Variants in VWDE observed in about 807,000 individuals in gnomAD.
VWDE encodes von Willebrand factor D and EGF domains, also known as von Willebrand factor D and EGF domain-containing protein.
Under a neutral mutation model 178.4 loss-of-function variants are expected in VWDE, and 207 were observed. The observed-to-expected ratio is 1.16, with a 90% CI of 1.04 to 1.30. VWDE has a LOEUF of 1.30. VWDE is among the 50% of genes most tolerant of loss of function. The pLI, the probability that VWDE is intolerant of heterozygous loss-of-function variation, is 0.00. For synonymous variants in VWDE, 738 were observed against 651.4 expected, an observed-to-expected ratio of 1.13 and a Z score of -2.02; for missense variants, 2,287 against 1,901.3, an observed-to-expected ratio of 1.20 and a Z score of -3.77.
intron 19 of VWDE, among the ~76,000 whole-genome samples, chr7:12,345,438 A>ACAT (rs1287022385): frequency 7.2e-5 from 11 of 152,308 alleles, no homozygotes; most frequent in African/African-American, 2.2e-4. Context: ...GGCAGCGTCC[A>ACAT]CATTGGAAGT....
At chr7:12,345,384 C>T (rs1393834338) in intron 19 of VWDE, among the ~76,000 whole-genome samples, 1 of 152,042 alleles carries the variant, frequency 6.6e-6, no homozygotes, top group Non-Finnish European at 1.5e-5. Flanking sequence ...TGAAGAGTTT[C>T]ATACTACCTC....
intron 3 of VWDE, among the ~76,000 whole-genome samples, chr7:12,386,127 T>C (rs1784087557): frequency 6.6e-6 from 1 of 152,180 alleles, no homozygotes. Flanking sequence ...ATGATGGGTT[T>C]TTCCATGAAA....
chr7:12,374,882 A>T, intron 8 of VWDE, 120 bp from the exon 9 acceptor site: 2 of 1,179,026 alleles, frequency 1.7e-6, no homozygotes, highest in Non-Finnish European at 2.4e-6. Context: ...ATAGTTATTG[A>T]AAATTGAATC....
At position 12,361,498 on chromosome 7, in the gene VWDE, A is replaced by C; in HGVS notation, c.2922T>G (p.Pro974=). The C allele has an allele frequency of 6.5e-7, 1 of 1,549,466 alleles. No homozygotes were observed. The highest frequency in any genetic ancestry group is 8.7e-7 in the Non-Finnish European group (1 of 1,146,062). Residue 974 remains proline, a synonymous_variant, in exon 14 of 29, where the codon CCT becomes CCG. Transcript: ENST00000275358. The stretch of plus-strand genomic sequence containing the variant: ...CAGTCTGTGTATAGATGGGTTCTCC[A>C]GGCATCCATTCACTGCTATTATACT... The part of the protein sequence containing the change: ...KLQYNSSEWM[P]GEPIYTQTVF...
Position 12,357,455 on chromosome 7 carries a change from T to C in VWDE, c.3335A>G (p.Asn1112Ser), listed in dbSNP as rs1432248763. 1 of 1,552,036 alleles carries C rather than the reference T, an allele frequency of 6.4e-7. No individual in the cohort carries two copies. Among genetic ancestry groups the C allele is most frequent in the Non-Finnish European group, 8.7e-7 (1 of 1,147,068 alleles). ...GAAGGCCACGAACTGATACTCAAAG[T>C]TTTCACCATAAAATGTCTGTAATTT... ...QDKLQTFYGE[N>S]FEYQFVAFDP... Residue 1112 changes from asparagine (N) to serine (S), a missense_variant, in exon 17 of 29, where the codon AAC becomes AGC. Transcript: ENST00000275358.
At chr7:12,400,201 G>A (rs1784835909) in intron 1 of VWDE, among the ~76,000 whole-genome samples, 1 of 151,984 alleles carries the variant, frequency 6.6e-6, no homozygotes, top group Admixed American at 6.6e-5. Context: ...GAAGCAGAAG[G>A]AAGGAAATTT....
At chr7:12,363,887 A>G (rs1782714318) in intron 13 of VWDE, among the ~76,000 whole-genome samples, 2 of 152,076 alleles carry the variant, frequency 1.3e-5, no homozygotes, top group Non-Finnish European at 2.9e-5. Context: ...AAAACAGATA[A>G]CCACTCTAAA....
intron 4 of VWDE, among the ~76,000 whole-genome samples, chr7:12,381,267 T>C (rs189920267): frequency 6.6e-5 from 10 of 152,260 alleles, no homozygotes; most frequent in African/African-American, 2.2e-4. Context: ...TTAAAGAAAT[T>C]TGAAGTTTCC....
chr7:12,389,850 A>G lies in VWDE; in HGVS notation c.244-492T>C, dbSNP rs530214388. 9.8e-5 allele frequency among the ~76,000 whole-genome samples: 15 copies of G among 152,294 alleles called. No homozygotes were observed. In the South Asian group the frequency reaches 3.1e-3, roughly 32 times the overall value. On this transcript the variant is annotated intron_variant, in intron 2 of 28. Transcript: ENST00000275358. ...TTGTTCAAAATCTGGTGATGGAAAA[A>G]TTGTTTAGTAAGTTAGAAATAATAC...
At chr7:12,386,196 C>CT (rs2128560067) in intron 3 of VWDE, among the ~76,000 whole-genome samples, 1 of 152,160 alleles carries the variant, frequency 6.6e-6, no homozygotes, top group Non-Finnish European at 1.5e-5. Context: ...AAATTAAATA[C>CT]TTTTTATGAC....
intron 4 of VWDE, among the ~76,000 whole-genome samples, chr7:12,382,938 G>A (rs1583336915): frequency 6.6e-6 from 1 of 151,128 alleles, no homozygotes; most frequent in Non-Finnish European, 1.5e-5. Flanking sequence ...TTGAAAGGAA[G>A]AGAAAAATTT....
intron 21 of VWDE, among the ~76,000 whole-genome samples, chr7:12,343,506 A>G (rs1188647651): frequency 6.6e-6 from 1 of 152,120 alleles, no homozygotes; most frequent in East Asian, 1.9e-4. Flanking sequence ...AGTTATTTTC[A>G]TATGCTATTT....
chr7:12,347,484 C>A (rs1169197083), intron 19 of VWDE, among the ~76,000 whole-genome samples: 1 of 151,820 alleles, frequency 6.6e-6, no homozygotes, highest in African/African-American at 2.4e-5. Flanking sequence ...CTTACAGATA[C>A]TAAAATGTAG....
At position 12,389,297 on chromosome 7, in the gene VWDE, G is replaced by C. The variant is rs1391382084; in HGVS notation, c.305C>G (p.Pro102Arg). Residue 102 changes from proline (P) to arginine (R), a missense_variant, in exon 3 of 29, where the codon CCA becomes CGA. Transcript: ENST00000275358. ...CAATTGCTTGATCTCCCCAGGAGAT[G>C]GCAGTGTTTCTGAATCTCTCAGAGA... is the stretch of plus-strand genomic sequence containing the variant. ...WLSLRDSETL[P>R]SPGEIKQLTA... 6.4e-7 allele frequency: 1 copy of C among 1,551,422 alleles called. No homozygotes were observed. The highest frequency in any genetic ancestry group is 8.7e-7 in the Non-Finnish European group (1 of 1,146,886).
chr7:12,358,009 G>A (rs1162688634), intron 16 of VWDE, among the ~76,000 whole-genome samples: 5 of 151,984 alleles, frequency 3.3e-5, no homozygotes, highest in African/African-American at 9.7e-5. Flanking sequence ...GCTATAATAC[G>A]TGGAAGCCAT....
rs897059316 is a variant in VWDE at position 12,332,177 on chromosome 7, G to A, written c.4759-980C>T. Among the ~76,000 whole-genome samples the A allele has an allele frequency of 2.7e-4, 26 of 95,984 alleles. 1 individual carries two copies. The highest frequency in any genetic ancestry group is 1.3e-3 in the African/African-American group (19 of 14,592). 63.0% of individuals were successfully genotyped at this position (95,984 alleles called of 152,430 possible). A position where few individuals can be genotyped will look rare whatever the true frequency, so the allele number is the denominator to read the frequency against. ...TATGTGTGGGAGACAAAGAAATATC[G>A]AAAGCAAGTAAAGAAAAAAAAGACA... On this transcript the variant is annotated intron_variant, in intron 28 of 28. Transcript: ENST00000275358.
At position 12,383,618 on chromosome 7, in the gene VWDE, T is replaced by A; in HGVS notation, c.476-17A>T. On this transcript the variant is annotated splice_polypyrimidine_tract_variant and intron_variant, in intron 3 of 28. Coordinates refer to ENST00000275358, the MANE Select transcript of VWDE (RefSeq NM_001135924.3). ...CAGAAATAGCTGCCAAGGGTTAAGGTTTGTATAATTATTCAGCTGGGCATG... is the reference window on the plus strand; with the variant it reads ...CAGAAATAGCTGCCAAGGGTTAAGGATTGTATAATTATTCAGCTGGGCATG... The A allele has an allele frequency of 6.5e-7, 1 of 1,548,136 alleles. No homozygotes were observed. Among genetic ancestry groups the A allele is most frequent in the Non-Finnish European group, 8.7e-7 (1 of 1,144,074 alleles).
At chr7:12,403,221 C>T (rs1784994278) in intron 1 of VWDE, among the ~76,000 whole-genome samples, 1 of 152,114 alleles carries the variant, frequency 6.6e-6, no homozygotes, top group African/African-American at 2.4e-5. Context: ...ATAAAATGTT[C>T]ACCAATGAAT....
rs534547491 is a variant in VWDE at position 12,357,201 on chromosome 7, A to G, written c.3525+64T>C. 4.6e-6 allele frequency: 7 copies of G among 1,510,538 alleles called. No individual in the cohort carries two copies. In the South Asian group the frequency reaches 7.7e-5, roughly 17 times the overall value. 93.6% of individuals were successfully genotyped at this position (1,510,538 alleles called of 1,614,324 possible). A position where few individuals can be genotyped will look rare whatever the true frequency, so the allele number is the denominator to read the frequency against. On this transcript the variant is annotated intron_variant, in intron 17 of 28. Transcript: ENST00000275358. ...ACTAGCAATATGGCTTGTATTTTAA[A>G]TTCAAATAAAGTTGTTAAAATTGCA...
Sources: allele counts gnomAD v4.1 joint callset (sites outside exome capture counted in the v4.1 genomes callset), GRCh38; gene constraint gnomAD v4.1.1; transcripts MANE v1.5; gene names NCBI Gene and HGNC (gene_info 2026-07-23, HGNC 2026-07-21).